The following RYR3 variants were observed in gnomAD, a reference collection of about 807,000 sequenced individuals.
RYR3 encodes the protein ryanodine receptor 3, also known as brain ryanodine receptor-calcium release channel.
In RYR3, 207 loss-of-function variants were observed where a neutral mutation model predicts 584.3. That is an observed-to-expected ratio of 0.35 (90% CI 0.32 to 0.40). RYR3 has a LOEUF of 0.40. Ranked by LOEUF, RYR3 falls within the 10% of genes least tolerant of loss-of-function variation. The pLI is 1.00. For synonymous variants in RYR3, 2,416 were observed against 2,248.5 expected, an observed-to-expected ratio of 1.07 and a Z score of -2.11; for missense variants, 5,616 against 6,089.2, an observed-to-expected ratio of 0.92 and a Z score of 2.59.
intron 1 of RYR3, among the ~76,000 whole-genome samples, chr15:33,339,745 C>G (rs1458893021): frequency 6.6e-6 from 1 of 152,000 alleles, no homozygotes; most frequent in African/African-American, 2.4e-5. Flanking sequence ...AAAAATTAGT[C>G]GGGTGTAGTG....
chr15:33,527,910 C>T (rs1007344248), intron 3 of RYR3, among the ~76,000 whole-genome samples: 7 of 152,020 alleles, frequency 4.6e-5, no homozygotes, highest in South Asian at 2.1e-4. Context: ...GACTGGCAGG[C>T]GCAAGGTGCT....
intron 19 of RYR3, among the ~76,000 whole-genome samples, chr15:33,620,604 G>A (rs1388735168): frequency 6.6e-6 from 1 of 152,206 alleles, no homozygotes; most frequent in Non-Finnish European, 1.5e-5. Flanking sequence ...TGAGTTTCAA[G>A]TATTTTGTTA....
intron 10 of RYR3, among the ~76,000 whole-genome samples, chr15:33,550,702 G>C (rs1317078711): frequency 6.7e-6 from 1 of 150,246 alleles, no homozygotes; most frequent in Non-Finnish European, 1.5e-5. Flanking sequence ...GAGTTTCAGA[G>C]CTACATTTGT....
intron 75 of RYR3, 125 bp downstream of exon 75, chr15:33,817,083 CTG>C: frequency 3.3e-6 from 2 of 597,952 alleles, no homozygotes; most frequent in Non-Finnish European, 6.0e-6. Flanking sequence ...AAAGCACTAA[CTG>C]TGTAAGTGCT....
intron 2 of RYR3, among the ~76,000 whole-genome samples, chr15:33,478,108 TGG>T (rs34566920): frequency 6.8e-6 from 1 of 147,606 alleles, no homozygotes; most frequent in African/African-American, 2.5e-5. Flanking sequence ...TTGAGGGGGT[TGG>T]GGGGGGTGGT....
chr15:33,821,981 C>G (rs1172568132), intron 80 of RYR3, among the ~76,000 whole-genome samples: 3 of 147,154 alleles, frequency 2.0e-5, no homozygotes, highest in African/African-American at 7.5e-5. Flanking sequence ...TTAAGTGGAA[C>G]TGATAAACTC....
Position 33,820,788 on chromosome 15 carries a change from T to C in RYR3, c.10791T>C (p.Asp3597=). The C allele has an allele frequency of 9.4e-6, 15 of 1,604,044 alleles. No homozygotes were observed. Among genetic ancestry groups the C allele is most frequent in the African/African-American group, 1.3e-5 (1 of 74,816 alleles). ...AAAGTGGTGAGGATGAAGAAGAAGA[T>C]GAAGACAAGGAAAAAACATTCGAAG... The part of the protein sequence containing the change: ...SCQSGEDEEE[D]EDKEKTFEEK... The change falls in exon 78 of 104, where the codon GAT becomes GAC. Residue 3597 remains aspartate, a synonymous_variant. Coordinates refer to ENST00000634891, the MANE Select transcript of RYR3 (RefSeq NM_001036.6).
Position 33,554,148 on chromosome 15 carries a change from A to G in RYR3, c.972+3832A>G, listed in dbSNP as rs534957284. Among the ~76,000 whole-genome samples the G allele has an allele frequency of 6.5e-4, 99 of 152,274 alleles. 2 individuals carry two copies. In the South Asian group the frequency reaches 0.014, roughly 22 times the overall value. ...CTTGACTGGGAGGCCCTGGATGACA[A>G]GGACCACACATACCCCACCCTGCTT... On this transcript the variant is annotated intron_variant, in intron 10 of 103. Transcript: ENST00000634891.
chr15:33,635,222 G>A (rs1450748895), intron 25 of RYR3, among the ~76,000 whole-genome samples: 1 of 152,154 alleles, frequency 6.6e-6, no homozygotes, highest in African/African-American at 2.4e-5. Flanking sequence ...GTCATTAAGG[G>A]GATGGTTTTG....
At chr15:33,512,369 C>G (rs981033009) in intron 3 of RYR3, among the ~76,000 whole-genome samples, 1 of 152,184 alleles carries the variant, frequency 6.6e-6, no homozygotes, top group Non-Finnish European at 1.5e-5. Flanking sequence ...TAAGAATAAC[C>G]ATTCAGGTTA....
intron 1 of RYR3, among the ~76,000 whole-genome samples, chr15:33,312,532 C>A (rs1478160280): frequency 2.6e-5 from 4 of 152,160 alleles, no homozygotes; most frequent in African/African-American, 9.7e-5. Context: ...CATGACAACC[C>A]TATTGTTATA....
In RYR3 at chr15:33,859,724, C is replaced by A; in HGVS notation, c.14292C>A (p.Ile4764=). The A allele has an allele frequency of 6.2e-7, 1 of 1,607,780 alleles. No individual in the cohort carries two copies. The change falls in exon 100 of 104, where the codon ATC becomes ATA. Residue 4764 remains isoleucine (I), a synonymous_variant. Transcript: ENST00000634891. ...TCGTCATTGTCATCTTGCTGGCCAT[C>A]ATTCAAGGTATGATTGCCAATTGTG... ...FFFVIVILLA[I]IQGLIIDAFG...
chr15:33,519,430 C>G (rs970442392), intron 3 of RYR3, among the ~76,000 whole-genome samples: 1 of 152,104 alleles, frequency 6.6e-6, no homozygotes, highest in Non-Finnish European at 1.5e-5. Context: ...AAGTCAATCA[C>G]TGGTCCAAAA....
chr15:33,632,987 A>C lies in RYR3; in HGVS notation c.2906A>C (p.Asp969Ala). ...MSNGYKPAPL[D>A]LSDVKLLPPQ... Reference sequence around the variant, plus strand: ...AACGGCTATAAGCCAGCCCCTTTGGATTTGTCTGATGTGAAGCTGTTACCT... The same window carrying C: ...AACGGCTATAAGCCAGCCCCTTTGGCTTTGTCTGATGTGAAGCTGTTACCT... Residue 969 changes from aspartate to alanine, a missense_variant, in exon 24 of 104, where the codon GAT (aspartate) becomes GCT (alanine). Physicochemically the swap from Asp to Ala is moderately radical, Grantham distance 126. Transcript: ENST00000634891. The C allele has an allele frequency of 6.2e-7, 1 of 1,613,936 alleles. No homozygotes were observed. The highest frequency in any genetic ancestry group is 8.5e-7 in the Non-Finnish European group (1 of 1,179,846).
intron 1 of RYR3, among the ~76,000 whole-genome samples, chr15:33,324,163 G>C (rs1439917393): frequency 6.6e-6 from 1 of 151,998 alleles, no homozygotes; most frequent in East Asian, 1.9e-4. Flanking sequence ...ATATTGTCTG[G>C]GGGTGGGAGG....
At chr15:33,794,334 T>TATAACATATAACATATA (rs1216564897) in intron 67 of RYR3, among the ~76,000 whole-genome samples, 2 of 87,076 alleles carry the variant, frequency 2.3e-5, no homozygotes, top group East Asian at 3.3e-4. Flanking sequence ...TTTATATATG[T>TATAACATATAACATATA]TTATATATAT....
chr15:33,586,246 A>G (rs2058841450), intron 16 of RYR3, 130 bp downstream of exon 16: 2 of 660,928 alleles, frequency 3.0e-6, no homozygotes, highest in South Asian at 1.9e-5. Context: ...GGAAACTGGA[A>G]AAAAGACTTT....
At chr15:33,661,496 G>T (rs1252676485) in intron 34 of RYR3, among the ~76,000 whole-genome samples, 1 of 152,110 alleles carries the variant, frequency 6.6e-6, no homozygotes, top group East Asian at 1.9e-4. Flanking sequence ...CAGCCTTTTT[G>T]GCACCAGGGA....
intron 1 of RYR3, among the ~76,000 whole-genome samples, chr15:33,449,982 T>C (rs2046974649): frequency 6.6e-6 from 1 of 151,010 alleles, no homozygotes; most frequent in South Asian, 2.1e-4. Flanking sequence ...AATTACTGCT[T>C]AGTGGCAGCC....
Sources: gnomAD v4.1 joint callset for allele counts (sites outside exome capture counted in the v4.1 genomes callset) on GRCh38, gnomAD v4.1.1 for gene constraint, MANE v1.5 for transcripts, NCBI Gene and HGNC (gene_info 2026-07-23, HGNC 2026-07-21) for gene names.